The following FANCA variants were observed in gnomAD, a reference collection of about 807,000 sequenced individuals.
FANCA encodes the protein FA complementation group A.
In FANCA, 236 loss-of-function variants were observed where a neutral mutation model predicts 194.3. That is an observed-to-expected ratio of 1.21 (90% confidence interval 1.09 to 1.35). FANCA has a LOEUF of 1.35. FANCA is among the 40% of genes most tolerant of loss of function. FANCA has a pLI of 0.00. For synonymous variants in FANCA, 1,014 were observed against 715.8 expected (o/e 1.42, Z -6.65); for missense variants, 2,628 against 1,813.9 (o/e 1.45, Z -8.15).
chr16:89,792,594 G>C (rs1400357178), intron 11 of FANCA, 47 bp from the exon 12 acceptor site: 2 of 1,547,508 alleles, frequency 1.3e-6, no homozygotes, highest in Non-Finnish European at 1.7e-6. Context: ...AGATCAAAAA[G>C]TTGTGGGTTT....
Position 89,803,287 on chromosome 16 carries a change from C to G in FANCA, c.764G>C (p.Arg255Thr), listed in dbSNP as rs748797304. Residue 255 changes from arginine to threonine, a missense_variant, in exon 8 of 43, where the codon AGA becomes ACA. By Grantham distance (71) the Arg-to-Thr change is moderately conservative. Transcript: ENST00000389301. ...RGFQKNSDLR[R>T]TVEPEKMPQV... ...CGGCATTTTTTCAGGCTCCACAGTT[C>G]TTCTCAGATCTGAGTTTTTCTGAAA... 2 of 1,614,022 alleles carry G rather than the reference C, an allele frequency of 1.2e-6. No homozygotes were observed.
intron 11 of FANCA, among the ~76,000 whole-genome samples, chr16:89,793,417 A>C (rs2040143094): frequency 6.6e-6 from 1 of 152,194 alleles, no homozygotes; most frequent in African/African-American, 2.4e-5. Context: ...ATGATTATAG[A>C]GCGAGGATTA....
chr16:89,779,810 T>C, intron 18 of FANCA, 59 bp downstream of exon 18: 2 of 1,413,422 alleles, frequency 1.4e-6, no homozygotes, highest in Admixed American at 1.7e-5. Context: ...ACTGCAGGCA[T>C]CAGAGCGCGG....
chr16:89,760,553 C>T (rs370624874), intron 29 of FANCA, among the ~76,000 whole-genome samples: 2 of 152,260 alleles, frequency 1.3e-5, no homozygotes, highest in African/African-American at 4.8e-5. Context: ...GCAGTGACCA[C>T]ATTCCCCTCT....
intron 30 of FANCA, among the ~76,000 whole-genome samples, chr16:89,755,906 C>T (rs537461889): frequency 2.0e-5 from 3 of 149,792 alleles, no homozygotes; most frequent in South Asian, 2.2e-4. Context: ...CTAGGCCACA[C>T]GGCACGGCCC....
chr16:89,789,027 G>A (rs191956743), intron 14 of FANCA, among the ~76,000 whole-genome samples: 15 of 152,062 alleles, frequency 9.9e-5, no homozygotes, highest in African/African-American at 3.6e-4. Flanking sequence ...CTGAGCCGCG[G>A]CTCGGGGAGA....
chr16:89,746,795 GAGA>G (rs1176575578), intron 34 of FANCA, 33 bp downstream of exon 34: 2 of 1,576,666 alleles, frequency 1.3e-6, no homozygotes, highest in Non-Finnish European at 1.7e-6. Context: ...ACGGCGTTCT[GAGA>G]AGGCCACGAG....
intron 29 of FANCA, among the ~76,000 whole-genome samples, chr16:89,761,647 T>C (rs1280147934): frequency 6.6e-6 from 1 of 152,118 alleles, no homozygotes; most frequent in African/African-American, 2.4e-5. Context: ...TCTTTTGAGA[T>C]AGGGTCTCAC....
At chr16:89,813,717 G>C (rs939203010) in intron 3 of FANCA, among the ~76,000 whole-genome samples, 3 of 152,138 alleles carry the variant, frequency 2.0e-5, no homozygotes, top group Non-Finnish European at 4.4e-5. Flanking sequence ...ATAGGCGTGA[G>C]CCACTGTGCC....
In FANCA at chr16:89,796,117, T is replaced by C. The variant is rs539001696; in HGVS notation, c.894-99A>G. The C allele has an allele frequency of 7.9e-5, 72 of 916,846 alleles. No individual in the cohort carries two copies. In the African/African-American group the frequency reaches 1.1e-3, roughly 14 times the overall value. The allele number at this position is 916,846 out of a possible 1,614,324, so 56.8% of individuals were successfully genotyped here. On this transcript the variant is annotated intron_variant, in intron 10 of 42. Transcript: ENST00000389301. ...CTGTGGCTCAGGCTCATCCCTTCTT[T>C]AAGCAAGGAAGGGGCTTTCTTGGCC... is the stretch of plus-strand genomic sequence containing the variant.
At chr16:89,745,909 C>G (rs1008064388) in intron 35 of FANCA, among the ~76,000 whole-genome samples, 3 of 152,218 alleles carry the variant, frequency 2.0e-5, no homozygotes, top group Admixed American at 6.5e-5. Flanking sequence ...TCATTTCTCA[C>G]GAATTCCACC....
Position 89,778,889 on chromosome 16 carries a change from A to T in FANCA, c.1777-39T>A, listed in dbSNP as rs200195621. On this transcript the variant is annotated intron_variant, in intron 19 of 42. Coordinates refer to ENST00000389301, the MANE Select transcript of FANCA (RefSeq NM_000135.4). ...AGAGACCTGTGAGAGACTGACAAGG[A>T]AAGTCCTTGCTTTCTACACAACTGG... 3.1e-6 allele frequency: 5 copies of T among 1,607,888 alleles called. No individual in the cohort carries two copies. In the South Asian group the frequency reaches 5.5e-5, roughly 18 times the overall value.
At chr16:89,791,717 G>T in intron 13 of FANCA, 181 bp from the exon 14 acceptor site, 1 of 990,654 alleles carries the variant, frequency 1.0e-6, no homozygotes, top group Non-Finnish European at 1.5e-6. Context: ...CCTGAATGAA[G>T]CAGCAGTGGA....
chr16:89,792,132 C>G, intron 12 of FANCA, 64 bp from the exon 13 acceptor site: 1 of 1,600,992 alleles, frequency 6.2e-7, no homozygotes, highest in Non-Finnish European at 8.6e-7. Flanking sequence ...GATGACCCCT[C>G]ACCTTCCTCC....
rs1198861235 is a variant in FANCA at position 89,796,029 on chromosome 16, A to G, written c.894-11T>C. The G allele has an allele frequency of 6.2e-7, 1 of 1,606,708 alleles. No homozygotes were observed. Among genetic ancestry groups the G allele is most frequent in the East Asian group, 2.2e-5 (1 of 44,832 alleles). On this transcript the variant is annotated splice_polypyrimidine_tract_variant and intron_variant, in intron 10 of 42. Coordinates refer to ENST00000389301, the MANE Select transcript of FANCA (RefSeq NM_000135.4). ...CTGAACACTCCGAACCTGCCAATGC[A>G]GCAGAAAGAGGGGTCAGGAAAGGGA...
At chr16:89,776,972 G>C (rs112109033) in intron 20 of FANCA, among the ~76,000 whole-genome samples, 1 of 152,190 alleles carries the variant, frequency 6.6e-6, no homozygotes, top group African/African-American at 2.4e-5. Context: ...AGCACTTTGG[G>C]AAGTTGAAGC....
chr16:89,774,635 C>G (rs1337983209), intron 21 of FANCA, among the ~76,000 whole-genome samples: 1 of 145,848 alleles, frequency 6.9e-6, no homozygotes, highest in African/African-American at 2.6e-5. Flanking sequence ...GAGGCTGAGG[C>G]AGGAGAATGG....
intron 10 of FANCA, among the ~76,000 whole-genome samples, chr16:89,797,928 T>G (rs1222098619): frequency 6.6e-6 from 1 of 151,926 alleles, no homozygotes; most frequent in Non-Finnish European, 1.5e-5. Context: ...AATTGGCAAC[T>G]AATTACAAAA....
At position 89,804,706 on chromosome 16, in the gene FANCA, G is replaced by C. The variant is rs548396023; in HGVS notation, c.709+574C>G. On this transcript the variant is annotated intron_variant, in intron 7 of 42. Transcript: ENST00000389301. ...CTCAGCACCTTCTTAGTTTGTGGGG[G>C]GACATTACAGTCCCAAGTTTTTCTC... 2.6e-5 allele frequency among the ~76,000 whole-genome samples: 4 copies of C among 152,184 alleles called. No individual in the cohort carries two copies. In the South Asian group the frequency reaches 8.3e-4, roughly 32 times the overall value.
Sources: allele counts gnomAD v4.1 joint callset (sites outside exome capture counted in the v4.1 genomes callset), GRCh38; gene constraint gnomAD v4.1.1; transcripts MANE v1.5; gene names NCBI Gene and HGNC (gene_info 2026-07-23, HGNC 2026-07-21).